The following AGAP1 variants were observed in gnomAD, a reference collection of about 807,000 sequenced individuals.
The protein encoded by AGAP1 is arf-GAP with GTPase, ANK repeat and PH domain-containing protein 1.
Under a neutral mutation model 105.3 loss-of-function variants are expected in AGAP1, and 29 were observed. The observed-to-expected ratio is 0.28, with a 90% confidence interval of 0.21 to 0.38. The LOEUF is 0.38. Among genes scored for constraint, AGAP1 ranks in the 10% least tolerant of loss-of-function variants. The pLI is 1.00. For synonymous variants in AGAP1, 509 were observed against 485.9 expected (o/e 1.05, Z -0.63); for missense variants, 998 against 1,165.1 (o/e 0.86, Z 2.09).
rs1053991427 is a variant in AGAP1, at chr2:235,664,845, A to C, written c.164-44334A>C. 3.3e-5 allele frequency among the ~76,000 whole-genome samples: 5 copies of C among 152,130 alleles called. No homozygotes were observed. The highest frequency in any genetic ancestry group is 1.2e-4 in the African/African-American group (5 of 41,410). Reference sequence around the variant, plus strand: ...GGATAAAGTACGTGTGAGTGATGCCACCTCAACCCTTAGCCAGGTGCAGGC... The same window carrying C: ...GGATAAAGTACGTGTGAGTGATGCCCCCTCAACCCTTAGCCAGGTGCAGGC... On this transcript the variant is annotated intron_variant, in intron 1 of 17. Transcript: ENST00000304032. This position sits in a 1 kb window ranked among gnomAD's most constrained non-coding sequence, Gnocchi z 5.7.
chr2:235,609,466 G>C lies in AGAP1; in HGVS notation c.164-99713G>C, dbSNP rs564811071. On this transcript the variant is annotated intron_variant, in intron 1 of 17. Transcript: ENST00000304032. The surrounding 1 kb of genome is among the most constrained non-coding windows in gnomAD (Gnocchi z 5.1). ...AGATTCCAAGAGGTAAGAACTGGGG[G>C]CTGGGCTGTGGAAGAAGTGCGAGAG... 9.5e-4 allele frequency among the ~76,000 whole-genome samples: 144 copies of C among 152,264 alleles called. 1 individual carries two copies. The highest frequency in any genetic ancestry group is 3.3e-3 in the African/African-American group (138 of 41,556).
chr2:235,635,312 C>T lies in AGAP1; in HGVS notation c.164-73867C>T, dbSNP rs749857252. Among the ~76,000 whole-genome samples the T allele has an allele frequency of 7.2e-5, 11 of 152,164 alleles. No individual in the cohort carries two copies. Among genetic ancestry groups the T allele is most frequent in the Non-Finnish European group, 1.5e-4 (10 of 68,034 alleles). On this transcript the variant is annotated intron_variant, in intron 1 of 17. Transcript: ENST00000304032. This position sits in a 1 kb window ranked among gnomAD's most constrained non-coding sequence, Gnocchi z 5.3. ...TGACTTAGCAGAGGATGAAGCACTCCCGTGAGTGAGCTGCGCACAGTCTCC... is the reference window on the plus strand; with the variant it reads ...TGACTTAGCAGAGGATGAAGCACTCTCGTGAGTGAGCTGCGCACAGTCTCC...
At chr2:235,563,672 C>G (rs1208012186) in intron 1 of AGAP1, among the ~76,000 whole-genome samples, 3 of 152,020 alleles carry the variant, frequency 2.0e-5, no homozygotes, top group Admixed American at 6.5e-5. Flanking sequence ...TGGGTAAGTT[C>G]TAGGAATTTG....
intron 10 of AGAP1, among the ~76,000 whole-genome samples, chr2:235,890,922 G>A (rs1228548722): frequency 1.6e-5 from 2 of 121,712 alleles, no homozygotes; most frequent in Non-Finnish European, 3.5e-5. Flanking sequence ...GCTACTGGGT[G>A]TAAGACTAAA....
At chr2:235,674,492 T>C (rs1948616685) in intron 1 of AGAP1, among the ~76,000 whole-genome samples, 1 of 152,168 alleles carries the variant, frequency 6.6e-6, no homozygotes, top group South Asian at 2.1e-4. Context: ...ATCCAGAACA[T>C]TCGGTGTCTT....
At chr2:235,693,192 G>A (rs1245060085) in intron 1 of AGAP1, among the ~76,000 whole-genome samples, 2 of 152,150 alleles carry the variant, frequency 1.3e-5, no homozygotes, top group African/African-American at 4.8e-5. Context: ...TTGCTCAGCC[G>A]GCAGGCCTAG....
chr2:235,779,100 C>T (rs573458539), intron 6 of AGAP1, among the ~76,000 whole-genome samples: 3 of 152,350 alleles, frequency 2.0e-5, no homozygotes, highest in African/African-American at 7.2e-5. Flanking sequence ...TCAGCTTCGG[C>T]GCTCCCCACC....
intron 9 of AGAP1, among the ~76,000 whole-genome samples, chr2:235,871,300 T>C (rs2049424522): frequency 1.3e-5 from 2 of 152,192 alleles, no homozygotes; most frequent in Non-Finnish European, 2.9e-5. Context: ...CTGGACCTCC[T>C]CTCTCTCCTC....
At chr2:235,675,360 T>C (rs1948681144) in intron 1 of AGAP1, among the ~76,000 whole-genome samples, 1 of 151,964 alleles carries the variant, frequency 6.6e-6, no homozygotes, top group African/African-American at 2.4e-5. Flanking sequence ...CCGGCTAATT[T>C]ATTTGTATTT....
rs928410636 is a variant in AGAP1, at chr2:235,988,916, G to A, written c.1645+20293G>A. Among the ~76,000 whole-genome samples the A allele has an allele frequency of 5.3e-5, 8 of 152,102 alleles. No individual in the cohort carries two copies. Among genetic ancestry groups the A allele is most frequent in the Admixed American group, 4.6e-4 (7 of 15,274 alleles). On this transcript the variant is annotated intron_variant, in intron 13 of 17. Coordinates refer to ENST00000304032, the MANE Select transcript of AGAP1 (RefSeq NM_001037131.3). The surrounding 1 kb of genome is among the most constrained non-coding windows in gnomAD (Gnocchi z 4.7). ...AGCGCCACTTTGCCTGGGTGCTGGT[G>A]ATCCTCCAGTTCTCACACACCTGCA...
At chr2:235,861,197 T>C (rs1330536392) in intron 9 of AGAP1, among the ~76,000 whole-genome samples, 2 of 152,240 alleles carry the variant, frequency 1.3e-5, no homozygotes, top group African/African-American at 2.4e-5. Context: ...TCAACTTCTA[T>C]AGGGGACCAT....
intron 1 of AGAP1, among the ~76,000 whole-genome samples, chr2:235,498,464 C>G (rs550846629): frequency 1.1e-4 from 16 of 152,286 alleles, no homozygotes; most frequent in African/African-American, 3.8e-4. Context: ...AGCCACCATG[C>G]CCAGAAATGA....
At chr2:235,849,202 C>T (rs1961862254) in intron 9 of AGAP1, among the ~76,000 whole-genome samples, 1 of 152,144 alleles carries the variant, frequency 6.6e-6, no homozygotes, top group Non-Finnish European at 1.5e-5. Flanking sequence ...CTAATTATGC[C>T]AGTGAATACT....
intron 6 of AGAP1, among the ~76,000 whole-genome samples, chr2:235,794,166 A>G (rs773922293): frequency 9.9e-5 from 15 of 152,090 alleles, no homozygotes; most frequent in Non-Finnish European, 1.8e-4. Context: ...CCTTTATACA[A>G]TGTACACACA....
intron 1 of AGAP1, among the ~76,000 whole-genome samples, chr2:235,669,205 G>C (rs1373496755): frequency 6.6e-6 from 1 of 152,170 alleles, no homozygotes; most frequent in African/African-American, 2.4e-5. Context: ...ACATCTCTTT[G>C]TTCTTGTCTT....
intron 1 of AGAP1, among the ~76,000 whole-genome samples, chr2:235,530,289 T>A (rs1942997150): frequency 6.6e-6 from 1 of 152,162 alleles, no homozygotes; most frequent in Admixed American, 6.5e-5. Flanking sequence ...GCCATATGCC[T>A]AATGTGATAT....
Position 235,842,170 on chromosome 2 carries a change from C to G in AGAP1, c.1050+34839C>G, listed in dbSNP as rs1330268235. On this transcript the variant is annotated intron_variant, in intron 9 of 17. Coordinates refer to ENST00000304032, the MANE Select transcript of AGAP1 (RefSeq NM_001037131.3). The surrounding 1 kb of genome is among the most constrained non-coding windows in gnomAD (Gnocchi z 5.3). ...CGCTCCTGGTTTCTTAGTTCTGGAG[C>G]ACAGACTCCGTGCTCTGGAGCAAGA... is the stretch of plus-strand genomic sequence containing the variant. Among the ~76,000 whole-genome samples the G allele has an allele frequency of 6.6e-6, 1 of 152,246 alleles. No homozygotes were observed. The highest frequency in any genetic ancestry group is 1.5e-5 in the Non-Finnish European group (1 of 68,040).
At position 236,046,139 on chromosome 2, in the gene AGAP1, C is replaced by T. The variant is rs926121496; in HGVS notation, c.1892-2920C>T. ...GGTGGGGTGGGCATAGGAACCAAAT[C>T]GGAGGTTCTGGTAAGAGCTTAGGCA... On this transcript the variant is annotated intron_variant, in intron 15 of 17. Coordinates refer to ENST00000304032, the MANE Select transcript of AGAP1 (RefSeq NM_001037131.3). The surrounding 1 kb of genome is among the most constrained non-coding windows in gnomAD (Gnocchi z 5.2). The T allele has an allele frequency of 2.2e-5, 9 of 417,990 alleles. No individual in the cohort carries two copies. The highest frequency in any genetic ancestry group is 6.1e-5 in the African/African-American group (3 of 48,960). 25.9% of individuals were successfully genotyped at this position (417,990 alleles called of 1,614,324 possible).
At chr2:235,593,943 TG>T (rs1292346913) in intron 1 of AGAP1, among the ~76,000 whole-genome samples, 1 of 151,956 alleles carries the variant, frequency 6.6e-6, no homozygotes, top group Non-Finnish European at 1.5e-5. Flanking sequence ...AACTCCAGCC[TG>T]GGGGACAGAG....
Sources: gnomAD v4.1 joint callset for allele counts (sites outside exome capture counted in the v4.1 genomes callset) on GRCh38, gnomAD v4.1.1 for gene constraint, Gnocchi (gnomAD v3.1) non-coding constraint, MANE v1.5 for transcripts, NCBI Gene and HGNC (gene_info 2026-07-23, HGNC 2026-07-21) for gene names.